TACC2: variants seen among roughly 807,000 people sequenced by gnomAD.
TACC2 encodes transforming acidic coiled-coil-containing protein 2.
In TACC2, 137 loss-of-function variants were observed where a neutral mutation model predicts 227.3. That is an observed-to-expected ratio of 0.60 (90% CI 0.52 to 0.69). The LOEUF is 0.69. Among genes scored for constraint, TACC2 ranks in the 30% least tolerant of loss-of-function variants. The pLI, the probability that TACC2 is intolerant of heterozygous loss-of-function variation, is 0.00. For synonymous variants in TACC2, 1,523 were observed against 1,487.5 expected (o/e 1.02, Z -0.55); for missense variants, 3,470 against 3,694.4 (o/e 0.94, Z 1.57).
chr10:122,112,902 A>G (rs577212283), intron 5 of TACC2: 24 of 151,988 alleles, frequency 1.6e-4, no homozygotes, highest in African/African-American at 5.8e-4. Flanking sequence ...GCCGGGGAGG[A>G]GAGCGCGGCG....
chr10:122,105,944 CTGTGTGTGTGTG>C (rs71022897), intron 5 of TACC2, among the ~76,000 whole-genome samples: 1 of 145,166 alleles, frequency 6.9e-6, no homozygotes, highest in Non-Finnish European at 1.5e-5. Flanking sequence ...TTTTCTCTCT[CTGTGTGTGTGTG>C]TGTGTGTGTG....
chr10:122,120,157 C>A (rs560520414), intron 5 of TACC2, among the ~76,000 whole-genome samples: 21 of 152,272 alleles, frequency 1.4e-4, no homozygotes, highest in African/African-American at 5.1e-4. Context: ...ACAGTAAGGT[C>A]TCCTGGGGAG....
At chr10:122,203,298 T>A (rs1351805321) in intron 8 of TACC2, among the ~76,000 whole-genome samples, 2 of 129,256 alleles carry the variant, frequency 1.5e-5, no homozygotes, top group African/African-American at 7.8e-5. Flanking sequence ...GGCTCCTCAC[T>A]TCCCAGTAGG....
chr10:122,254,420 CT>C lies in TACC2; in HGVS notation c.*365del, dbSNP rs878864233. The stretch of plus-strand genomic sequence containing the variant: ...TGAACATGTACAGCGTGCATAGGGA[CT>C]CTTGCCTTAAGGAGTGTAAACTTGA... On this transcript the variant is annotated 3_prime_UTR_variant, in exon 23 of 23. Transcript: ENST00000369005. The C allele has an allele frequency of 4.4e-6, 1 of 228,692 alleles. No individual in the cohort carries two copies. Among genetic ancestry groups the C allele is most frequent in the South Asian group, 6.7e-5 (1 of 14,922 alleles). 14.2% of individuals were successfully genotyped at this position (228,692 alleles called of 1,614,324 possible).
chr10:122,151,546 G>C (rs1222566813), intron 7 of TACC2, among the ~76,000 whole-genome samples: 10 of 152,106 alleles, frequency 6.6e-5, no homozygotes. Flanking sequence ...GATTTAGAGG[G>C]GCCTGCAGCC....
Position 122,084,842 on chromosome 10 carries a change from C to T in TACC2, c.2342C>T (p.Pro781Leu), listed in dbSNP as rs1277717545. 6.2e-7 allele frequency: 1 copy of T among 1,613,836 alleles called. No homozygotes were observed. The highest frequency in any genetic ancestry group is 8.5e-7 in the Non-Finnish European group (1 of 1,180,022). The change falls in exon 4 of 23, where the codon CCC (proline) becomes CTC (leucine). Residue 781 changes from proline to leucine, a missense_variant. Around this residue, in one of 10 missense-constraint regions of TACC2, gnomAD observed 1,924 missense variants for 1,978.3 expected, o/e 0.97. Coordinates refer to ENST00000369005, the MANE Select transcript of TACC2 (RefSeq NM_206862.4). The part of the protein sequence containing the change: ...RQEFHAGVPH[P>L]PQGENLAADL... ...GAATTTCATGCTGGGGTGCCACATCCCCCCCAGGGGGAGAACTTGGCAGCA... is the reference window on the plus strand; with the variant it reads ...GAATTTCATGCTGGGGTGCCACATCTCCCCCAGGGGGAGAACTTGGCAGCA...
chr10:122,192,754 GGGGACTCCAGTCTGCT>G (rs1325948957), intron 7 of TACC2: 11 of 456,576 alleles, frequency 2.4e-5, no homozygotes, highest in South Asian at 1.4e-4. Context: ...GACCAGCAGT[GGGGACTCCAGTCTGCT>G]GGTGCTTCAG....
At chr10:122,107,287 C>T (rs1017613229) in intron 5 of TACC2, among the ~76,000 whole-genome samples, 6 of 152,106 alleles carry the variant, frequency 3.9e-5, no homozygotes, top group African/African-American at 1.4e-4. Flanking sequence ...CTAATCCCAG[C>T]ACTTTGGGAG....
intron 16 of TACC2, among the ~76,000 whole-genome samples, chr10:122,235,152 T>TCTCAG (rs1409328953): frequency 6.6e-6 from 1 of 152,242 alleles, no homozygotes; most frequent in Non-Finnish European, 1.5e-5. Context: ...AGTGGCGCGA[T>TCTCAG]CTCAGCTCAC....
intron 6 of TACC2, among the ~76,000 whole-genome samples, chr10:122,136,545 G>GTGTATATATATATATATATA (rs1555066884): frequency 5.5e-5 from 3 of 54,960 alleles, no homozygotes; most frequent in African/African-American, 1.5e-4. Context: ...GTGTGTGTGT[G>GTGTATATATATATATATATA]TATATATATA....
At chr10:122,173,639 A>T (rs1383091227) in intron 7 of TACC2, among the ~76,000 whole-genome samples, 1 of 152,218 alleles carries the variant, frequency 6.6e-6, no homozygotes, top group Non-Finnish European at 1.5e-5. Context: ...CCTGCTGCTG[A>T]TGGCCCTGGG....
chr10:122,005,655 A>T (rs1413364540), intron 1 of TACC2, among the ~76,000 whole-genome samples: 5 of 145,622 alleles, frequency 3.4e-5, no homozygotes, highest in East Asian at 2.1e-4. Context: ...AAGTGCTGGG[A>T]TTACAGGCAT....
chr10:122,224,130 C>T (rs1292379412), intron 11 of TACC2, among the ~76,000 whole-genome samples: 3 of 152,170 alleles, frequency 2.0e-5, no homozygotes, highest in East Asian at 1.9e-4. Flanking sequence ...TTGGACTTTA[C>T]TAGTCTTTGA....
intron 1 of TACC2, among the ~76,000 whole-genome samples, chr10:122,016,172 T>C (rs547663596): frequency 1.1e-3 from 165 of 147,560 alleles, no homozygotes; most frequent in African/African-American, 4.0e-3. Flanking sequence ...TGAGATGGGA[T>C]GATCGCTTGA....
In TACC2 at chr10:122,195,082, G is replaced by A. The variant is rs1198528351; in HGVS notation, c.5877G>A (p.Thr1959=). The part of the protein sequence containing the change: ...SEEAFETPES[T]TPVKAPPAPP... Reference sequence around the variant, plus strand: ...AGGCATTTGAGACCCCGGAGTCAACGACCCCTGTCAAAGCTCCGCCAGCTC... The same window carrying A: ...AGGCATTTGAGACCCCGGAGTCAACAACCCCTGTCAAAGCTCCGCCAGCTC... The change falls in exon 8 of 23, where the codon ACG becomes ACA. Residue 1959 remains threonine, a synonymous_variant. Coordinates refer to ENST00000369005, the MANE Select transcript of TACC2 (RefSeq NM_206862.4). 12 of 1,613,668 alleles carry A rather than the reference G, an allele frequency of 7.4e-6. No homozygotes were observed. Among genetic ancestry groups the A allele is most frequent in the Non-Finnish European group, 9.3e-6 (11 of 1,179,862 alleles).
At position 122,086,836 on chromosome 10, in the gene TACC2, T is replaced by C. The variant is rs147723400; in HGVS notation, c.4336T>C (p.Leu1446=). ...AGTGGGTAAAGACCTCACCAGGCCA[T>C]TGGGCCCAGAGAAGCTTCTAGATGG... ...SAVGKDLTRP[L]GPEKLLDGPP... The change falls in exon 4 of 23, where the codon TTG becomes CTG. Residue 1446 remains leucine (L), a synonymous_variant. Transcript: ENST00000369005. 116 of 1,613,942 alleles carry C rather than the reference T, an allele frequency of 7.2e-5. No homozygotes were observed. The African/African-American group carries it at 1.4e-3, about 19-fold the overall frequency.
chr10:122,253,484 C>T (rs1358224525), intron 22 of TACC2, among the ~76,000 whole-genome samples: 1 of 152,152 alleles, frequency 6.6e-6, no homozygotes, highest in African/African-American at 2.4e-5. Flanking sequence ...CCCCCCACCC[C>T]CCATGACCCT....
chr10:122,140,660 T>C (rs2090391840), intron 6 of TACC2, among the ~76,000 whole-genome samples: 1 of 152,242 alleles, frequency 6.6e-6, no homozygotes, highest in Non-Finnish European at 1.5e-5. Flanking sequence ...GGATTGGTCC[T>C]GGGCATTTGT....
chr10:122,205,952 G>A lies in TACC2; in HGVS notation c.5972-4445G>A, dbSNP rs576338921. Reference sequence around the variant, plus strand: ...AAGATTACTATTTGTGTACTTAGAAGATACAAAGCCATGCTCTCTGTGTAG... The same window carrying A: ...AAGATTACTATTTGTGTACTTAGAAAATACAAAGCCATGCTCTCTGTGTAG... On this transcript the variant is annotated intron_variant, in intron 8 of 22. Transcript: ENST00000369005. This position sits in a 1 kb window ranked among gnomAD's most constrained non-coding sequence, Gnocchi z 4.5. Among the ~76,000 whole-genome samples the A allele has an allele frequency of 1.3e-5, 2 of 152,320 alleles. No individual in the cohort carries two copies. The highest frequency in any genetic ancestry group is 1.3e-4 in the Admixed American group (2 of 15,306).
Sources: allele counts gnomAD v4.1 joint callset (sites outside exome capture counted in the v4.1 genomes callset), GRCh38; gene constraint gnomAD v4.1.1; regional missense constraint gnomAD v4.1.1; non-coding constraint Gnocchi (gnomAD v3.1); transcripts MANE v1.5; gene names NCBI Gene and HGNC (gene_info 2026-07-23, HGNC 2026-07-21).